The following ADAMTS17 variants were observed in gnomAD, a reference collection of about 807,000 sequenced individuals.
ADAMTS17 encodes the protein A disintegrin and metalloproteinase with thrombospondin motifs 17.
A neutral mutation model predicts 141.5 loss-of-function variants in ADAMTS17; 113 were observed. The ratio of observed to expected loss-of-function variants is 0.80; its 90% CI spans 0.69 to 0.93. ADAMTS17 has a LOEUF of 0.93. ADAMTS17 is among the 40% of genes least tolerant of loss of function. The pLI, the probability that ADAMTS17 is intolerant of heterozygous loss-of-function variation, is 0.00. For synonymous variants in ADAMTS17, 768 were observed against 630.6 expected (o/e 1.22, Z -3.27); for missense variants, 1,659 against 1,517.9 (o/e 1.09, Z -1.54).
At chr15:100,017,366 C>T (rs954876791) in intron 18 of ADAMTS17, among the ~76,000 whole-genome samples, 2 of 152,196 alleles carry the variant, frequency 1.3e-5, no homozygotes, top group East Asian at 1.9e-4. Flanking sequence ...TGCCCTCCCC[C>T]CAAGTTCTGG....
At chr15:100,104,211 G>C (rs1252775334) in intron 14 of ADAMTS17, among the ~76,000 whole-genome samples, 1 of 152,174 alleles carries the variant, frequency 6.6e-6, no homozygotes, top group South Asian at 2.1e-4. Context: ...GTGTATCAGA[G>C]GCTTATTAAC....
At chr15:100,039,614 A>G (rs2031065923) in intron 18 of ADAMTS17, among the ~76,000 whole-genome samples, 2 of 152,228 alleles carry the variant, frequency 1.3e-5, no homozygotes, top group South Asian at 4.1e-4. Flanking sequence ...CATACCTAGT[A>G]TTATTTCTAT....
chr15:100,045,443 A>C, intron 18 of ADAMTS17, among the ~76,000 whole-genome samples: 1 of 152,132 alleles, frequency 6.6e-6, no homozygotes, highest in Admixed American at 6.5e-5. Flanking sequence ...GTAGGCAGCT[A>C]ATTTGGCTGG....
At chr15:100,035,353 T>C (rs2030604794) in intron 18 of ADAMTS17, among the ~76,000 whole-genome samples, 1 of 152,240 alleles carries the variant, frequency 6.6e-6, no homozygotes, top group Admixed American at 6.5e-5. Flanking sequence ...TTTTAAAACA[T>C]TAATTTTAAT....
At chr15:100,293,201 GGA>G in intron 3 of ADAMTS17, among the ~76,000 whole-genome samples, 1 of 152,146 alleles carries the variant, frequency 6.6e-6, no homozygotes, top group Non-Finnish European at 1.5e-5. Flanking sequence ...AAAGTGGGGA[GGA>G]TGGGAGTGGG....
At chr15:100,338,272 T>C (rs899300503) in intron 2 of ADAMTS17, among the ~76,000 whole-genome samples, 7 of 151,936 alleles carry the variant, frequency 4.6e-5, no homozygotes, top group Non-Finnish European at 1.0e-4. Context: ...AGCTACGGAA[T>C]GATCTATTCT....
chr15:100,200,010 A>C (rs956737879), intron 7 of ADAMTS17, among the ~76,000 whole-genome samples: 6 of 152,344 alleles, frequency 3.9e-5, no homozygotes, highest in Middle Eastern at 3.4e-3. Context: ...ATGTTCTGAA[A>C]AATGCTTCAG....
intron 7 of ADAMTS17, among the ~76,000 whole-genome samples, 200 bp downstream of exon 7, chr15:100,253,936 C>A (rs2043241298): frequency 6.6e-6 from 1 of 152,082 alleles, no homozygotes. Flanking sequence ...GACCCTTCAT[C>A]TAGATGCCTT....
chr15:100,116,759 G>C (rs1161439245), intron 13 of ADAMTS17, 88 bp downstream of exon 13: 2 of 1,591,866 alleles, frequency 1.3e-6, no homozygotes, highest in Admixed American at 1.7e-5. Context: ...GTTTGGGAAA[G>C]GGATGCCCCC....
In ADAMTS17 at chr15:100,341,129, G is replaced by A. The variant is rs1281316691; in HGVS notation, c.360C>T (p.Arg120=). 4.9e-6 allele frequency: 7 copies of A among 1,438,424 alleles called. No homozygotes were observed. Among genetic ancestry groups the A allele is most frequent in the Non-Finnish European group, 6.3e-6 (7 of 1,104,458 alleles). The allele number at this position is 1,438,424 out of a possible 1,614,324, so 89.1% of individuals were successfully genotyped here. A position where few individuals can be genotyped will look rare whatever the true frequency, so the allele number is the denominator to read the frequency against. The change falls in exon 2 of 22, where the codon CGC becomes CGT. Residue 120 remains arginine, a synonymous_variant. Transcript: ENST00000268070. ...CCGAGTAGAAGCACAGCTCGGCGGG[G>A]CGGCCGCGGCGCCGGGCCGCGCCCG... is the stretch of plus-strand genomic sequence containing the variant. The part of the protein sequence containing the change: ...EEAGAARRRG[R]PAELCFYSGR...
intron 3 of ADAMTS17, among the ~76,000 whole-genome samples, chr15:100,314,630 A>G (rs1807915149): frequency 1.3e-5 from 2 of 152,236 alleles, no homozygotes; most frequent in South Asian, 4.1e-4. Context: ...AGAATATTGT[A>G]CAAGTAAAGG....
At chr15:100,096,601 C>G (rs914919792) in intron 14 of ADAMTS17, 125 bp from the exon 15 acceptor site, 8 of 1,192,424 alleles carry the variant, frequency 6.7e-6, no homozygotes, top group African/African-American at 3.1e-5. Flanking sequence ...CTGATCCATT[C>G]AGAGGCCCAA....
intron 7 of ADAMTS17, among the ~76,000 whole-genome samples, chr15:100,251,735 C>G (rs1028492103): frequency 2.1e-4 from 32 of 152,196 alleles, no homozygotes; most frequent in African/African-American, 7.5e-4. Context: ...GAGACTCTAC[C>G]TCAACAACAA....
intron 4 of ADAMTS17, among the ~76,000 whole-genome samples, chr15:100,274,428 G>A (rs911246401): frequency 6.6e-6 from 1 of 151,942 alleles, no homozygotes; most frequent in African/African-American, 2.4e-5. Context: ...CATCCCCTTT[G>A]CCTCTTGGAA....
intron 3 of ADAMTS17, among the ~76,000 whole-genome samples, chr15:100,283,417 A>C (rs1227408106): frequency 1.3e-5 from 2 of 152,218 alleles, no homozygotes; most frequent in East Asian, 3.8e-4. Context: ...CCTGGAATCT[A>C]TGAAGATTCC....
chr15:100,024,069 A>G (rs1163718822), intron 18 of ADAMTS17, among the ~76,000 whole-genome samples: 1 of 150,786 alleles, frequency 6.6e-6, no homozygotes, highest in Non-Finnish European at 1.5e-5. Flanking sequence ...CTATGCAATC[A>G]AAAATCTTTT....
chr15:100,033,868 T>C (rs545889392), intron 18 of ADAMTS17, among the ~76,000 whole-genome samples: 144 of 152,310 alleles, frequency 9.5e-4, no homozygotes, highest in Non-Finnish European at 1.5e-3. Context: ...CAAGGCCCAA[T>C]TGTGCTCTAG....
At chr15:100,301,427 C>G (rs996462724) in intron 3 of ADAMTS17, among the ~76,000 whole-genome samples, 2 of 151,852 alleles carry the variant, frequency 1.3e-5, no homozygotes, top group African/African-American at 4.8e-5. Flanking sequence ...CAGGTTCACA[C>G]CATTCTCCTG....
chr15:100,189,199 A>G (rs924904854), intron 8 of ADAMTS17, among the ~76,000 whole-genome samples: 3 of 152,244 alleles, frequency 2.0e-5, no homozygotes, highest in African/African-American at 7.2e-5. Context: ...TGTGTGCAGC[A>G]CCAAATGTGG....
Sources: gnomAD v4.1 joint callset for allele counts (sites outside exome capture counted in the v4.1 genomes callset) on GRCh38, gnomAD v4.1.1 for gene constraint, MANE v1.5 for transcripts, NCBI Gene and HGNC (gene_info 2026-07-23, HGNC 2026-07-21) for gene names.